Variants in CCAR1 observed in about 807,000 individuals in gnomAD.
The protein encoded by CCAR1 is cell division cycle and apoptosis regulator protein 1.
A neutral mutation model predicts 163.8 loss-of-function variants in CCAR1; 78 were observed. The observed-to-expected ratio is 0.48, with a 90% CI of 0.40 to 0.57. The LOEUF (loss-of-function observed/expected upper bound fraction) is 0.57. CCAR1 is among the 20% of genes least tolerant of loss of function. The probability of loss-of-function intolerance (pLI) is 0.00; values close to 1 mark genes in which losing one functional copy is unlikely to be tolerated. For missense variants in CCAR1, 1,019 were observed against 1,365.2 expected, an observed-to-expected ratio of 0.75 and a Z score of 4.00; for synonymous variants, 443 against 460.7, an observed-to-expected ratio of 0.96 and a Z score of 0.49.
At chr10:68,758,580 TG>T (rs1339770746) in intron 15 of CCAR1, among the ~76,000 whole-genome samples, 1 of 150,300 alleles carries the variant, frequency 6.7e-6, no homozygotes, top group African/African-American at 2.5e-5. Flanking sequence ...TACACACGTT[TG>T]TATATATGTA....
At chr10:68,786,376 T>G (rs1040598391) in intron 20 of CCAR1, among the ~76,000 whole-genome samples, 158 bp downstream of exon 20, 9 of 152,236 alleles carry the variant, frequency 5.9e-5, no homozygotes, top group Non-Finnish European at 1.2e-4. Context: ...AACTAGTATG[T>G]CTGATTCTTT....
intron 19 of CCAR1, among the ~76,000 whole-genome samples, chr10:68,779,123 G>A (rs781553767): frequency 6.6e-5 from 10 of 151,826 alleles, no homozygotes; most frequent in South Asian, 2.1e-4. Flanking sequence ...GATTACAGGC[G>A]TGAGCCACTG....
Position 68,789,796 on chromosome 10 carries a change from C to A in CCAR1, c.3274C>A (p.Gln1092Lys). The A allele has an allele frequency of 6.2e-7, 1 of 1,606,630 alleles. No individual in the cohort carries two copies. The highest frequency in any genetic ancestry group is 1.1e-5 in the South Asian group (1 of 89,008). ...ELREVKKDLS[Q>K]LQENLKISEN... Reference sequence around the variant, plus strand: ...CAGAGAAGTTAAAAAGGACCTTAGTCAGTTACAAGAAAACTTAAAGATTTC... The same window carrying A: ...CAGAGAAGTTAAAAAGGACCTTAGTAAGTTACAAGAAAACTTAAAGATTTC... The change falls in exon 24 of 25, where the codon CAG (glutamine) becomes AAG (lysine). Residue 1092 changes from glutamine (Q) to lysine (K), a missense_variant. By Grantham distance (53) the Gln-to-Lys change is moderately conservative (BLOSUM62 1). Around this residue, in one of 4 missense-constraint regions of CCAR1, gnomAD observed 358 missense variants for 406.4 expected, o/e 0.88. Coordinates refer to ENST00000265872, the MANE Select transcript of CCAR1 (RefSeq NM_018237.4).
chr10:68,761,243 G>A, intron 16 of CCAR1, 51 bp downstream of exon 16: 1 of 1,007,838 alleles, frequency 9.9e-7, no homozygotes, highest in Non-Finnish European at 1.4e-6. Flanking sequence ...TTCATGTATA[G>A]GGTGTTCTTG....
intron 2 of CCAR1, among the ~76,000 whole-genome samples, chr10:68,735,058 C>T (rs2056091062): frequency 6.6e-6 from 1 of 152,066 alleles, no homozygotes; most frequent in Admixed American, 6.6e-5. Flanking sequence ...TAACTAAAAC[C>T]TCTTTGTGGC....
chr10:68,760,420 A>G (rs2056454366), intron 15 of CCAR1, among the ~76,000 whole-genome samples: 1 of 152,196 alleles, frequency 6.6e-6, no homozygotes, highest in Admixed American at 6.5e-5. Context: ...TCCTTAGGGT[A>G]GACAGCCAGA....
At chr10:68,743,728 G>GTTTA (rs750839945) in intron 6 of CCAR1, among the ~76,000 whole-genome samples, 15 of 147,932 alleles carry the variant, frequency 1.0e-4, no homozygotes, top group African/African-American at 3.8e-4. Context: ...TTATTTATTT[G>GTTTA]TTTGTTTATT....
rs1485585523 is a variant in CCAR1 at position 68,752,921 on chromosome 10, TAGA to T, written c.1119-930_1119-928del. 1.4e-3 allele frequency among the ~76,000 whole-genome samples: 207 copies of T among 151,688 alleles called. 2 individuals carry two copies. The highest frequency in any genetic ancestry group is 4.8e-3 in the African/African-American group (197 of 41,434). On this transcript the variant is annotated intron_variant, in intron 10 of 24. Coordinates refer to ENST00000265872, the MANE Select transcript of CCAR1 (RefSeq NM_018237.4). Reference sequence around the variant, plus strand: ...ATAGATAGATAGATAGATAGATAGATAGATAGATAGATAGATAGATTCTGTCTG... The same window carrying T: ...ATAGATAGATAGATAGATAGATAGATTAGATAGATAGATAGATTCTGTCTG...
chr10:68,754,136 G>C (rs576306215), intron 11 of CCAR1, 59 bp downstream of exon 11: 1 of 1,186,154 alleles, frequency 8.4e-7, no homozygotes, highest in African/African-American at 1.5e-5. Flanking sequence ...ATAATAAAAG[G>C]GTATGTAGAA....
At chr10:68,788,425 C>A in intron 23 of CCAR1, 97 bp downstream of exon 23, 1 of 713,660 alleles carries the variant, frequency 1.4e-6, no homozygotes, top group Non-Finnish European at 2.1e-6. Context: ...CCTGTGTACA[C>A]ATTTGCATAT....
intron 19 of CCAR1, among the ~76,000 whole-genome samples, chr10:68,777,900 C>T (rs770281166): frequency 2.2e-4 from 33 of 152,102 alleles, no homozygotes; most frequent in Non-Finnish European, 4.6e-4. Context: ...CCACTGCACT[C>T]CAGCCTCGAC....
intron 16 of CCAR1, among the ~76,000 whole-genome samples, chr10:68,764,310 C>T (rs965663210): frequency 1.3e-5 from 2 of 151,880 alleles, no homozygotes; most frequent in East Asian, 1.9e-4. Context: ...CATTAACCTT[C>T]CTTGAAAAGA....
chr10:68,729,607 G>T (rs773979713), intron 2 of CCAR1, among the ~76,000 whole-genome samples: 22 of 151,670 alleles, frequency 1.5e-4, no homozygotes, highest in Non-Finnish European at 2.5e-4. Context: ...GCTTTGAGAG[G>T]GTCGCTTGAT....
chr10:68,754,964 T>C, intron 12 of CCAR1, 137 bp downstream of exon 12: 1 of 607,538 alleles, frequency 1.6e-6, no homozygotes, highest in Non-Finnish European at 2.9e-6. Flanking sequence ...ACCCAGAATT[T>C]AATGATGTAG....
chr10:68,726,443 G>A (rs959973224), intron 2 of CCAR1, among the ~76,000 whole-genome samples: 3 of 152,000 alleles, frequency 2.0e-5, no homozygotes, highest in East Asian at 1.9e-4. Flanking sequence ...GAGCCACTGC[G>A]CCTGGCTCTT....
intron 4 of CCAR1, 144 bp downstream of exon 4, chr10:68,738,033 A>T (rs2056134890): frequency 3.5e-6 from 2 of 567,384 alleles, no homozygotes. Context: ...ATAGGTAGGA[A>T]AAAAGGAACG....
At position 68,781,505 on chromosome 10, in the gene CCAR1, G is replaced by A. The variant is rs116382487; in HGVS notation, c.2651-4631G>A. On this transcript the variant is annotated intron_variant, in intron 19 of 24. Coordinates refer to ENST00000265872, the MANE Select transcript of CCAR1 (RefSeq NM_018237.4). The stretch of plus-strand genomic sequence containing the variant: ...GCGGTGAGCTGAGATCATGCCATAC[G>A]CTCCAGCCTGGGCAACAGAGCAAGA... 6.0e-3 allele frequency among the ~76,000 whole-genome samples: 918 copies of A among 152,046 alleles called. 7 individuals are homozygous for A. Among genetic ancestry groups the A allele is most frequent in the African/African-American group, 0.021 (876 of 41,484 alleles).
intron 16 of CCAR1, among the ~76,000 whole-genome samples, chr10:68,761,530 C>T (rs1466845357): frequency 1.3e-5 from 2 of 151,874 alleles, no homozygotes; most frequent in East Asian, 3.9e-4. Flanking sequence ...TAGTCTCGAA[C>T]TCCTGACCTT....
chr10:68,774,117 C>G (rs1416595275), intron 19 of CCAR1, among the ~76,000 whole-genome samples: 1 of 151,972 alleles, frequency 6.6e-6, no homozygotes, highest in East Asian at 1.9e-4. Flanking sequence ...GTCTCGAACT[C>G]CCCACCTCAG....
Sources: gnomAD v4.1 joint callset for allele counts (sites outside exome capture counted in the v4.1 genomes callset) on GRCh38, gnomAD v4.1.1 for gene constraint, gnomAD v4.1.1 regional missense constraint, MANE v1.5 for transcripts, NCBI Gene and HGNC (gene_info 2026-07-23, HGNC 2026-07-21) for gene names.